Variants in PON1 observed in about 807,000 individuals in gnomAD.
PON1 encodes the protein serum paraoxonase/arylesterase 1.
In PON1, 37 loss-of-function variants were observed where a neutral mutation model predicts 39.2. The ratio of observed to expected loss-of-function variants is 0.94; its 90% CI spans 0.73 to 1.24. The LOEUF is 1.24. Among genes scored for constraint, PON1 ranks in the 50% most tolerant of loss-of-function variants. PON1 has a pLI of 0.00. For missense variants in PON1, 397 were observed against 413.5 expected, an observed-to-expected ratio of 0.96 and a Z score of 0.35; for synonymous variants, 148 against 152.2, an observed-to-expected ratio of 0.97 and a Z score of 0.21.
chr7:95,318,630 T>C, intron 1 of PON1: 1 of 468,410 alleles, frequency 2.1e-6, no homozygotes, highest in Non-Finnish European at 3.9e-6. Context: ...ATACATAATA[T>C]CCTCTCTAGG....
chr7:95,300,914 A>C (rs1278051224), intron 8 of PON1, among the ~76,000 whole-genome samples: 1 of 152,190 alleles, frequency 6.6e-6, no homozygotes, highest in Non-Finnish European at 1.5e-5. Flanking sequence ...AAACATGATC[A>C]CAATTGTCCT....
intron 2 of PON1, among the ~76,000 whole-genome samples, chr7:95,317,990 T>C (rs1431203346): frequency 6.6e-6 from 1 of 152,164 alleles, no homozygotes; most frequent in Non-Finnish European, 1.5e-5. Context: ...CTTTATTCAA[T>C]GCTTTATCTG....
chr7:95,316,718 G>A lies in PON1; in HGVS notation c.201+16C>T, dbSNP rs376396653. 42 of 1,609,656 alleles carry A rather than the reference G, an allele frequency of 2.6e-5. No homozygotes were observed. The highest frequency in any genetic ancestry group is 3.5e-5 in the Non-Finnish European group (41 of 1,176,068). On this transcript the variant is annotated intron_variant, in intron 3 of 8. Coordinates refer to ENST00000222381, the MANE Select transcript of PON1 (RefSeq NM_000446.7). Reference sequence around the variant, plus strand: ...AAAACGTTCTAGAACACAGAAAAGTGAAAGAAAACACTCACAGAGCTAATG... The same window carrying A: ...AAAACGTTCTAGAACACAGAAAAGTAAAAGAAAACACTCACAGAGCTAATG...
chr7:95,313,407 T>C (rs1224648146), intron 4 of PON1, among the ~76,000 whole-genome samples: 1 of 152,182 alleles, frequency 6.6e-6, no homozygotes, highest in Admixed American at 6.5e-5. Flanking sequence ...CAACTGCAAA[T>C]GTGCTATATA....
rs572723320 is a variant in PON1 at position 95,301,340 on chromosome 7, C to A, written c.909+865G>T. Among the ~76,000 whole-genome samples, 5 of 152,262 alleles carry A rather than the reference C, an allele frequency of 3.3e-5. No individual in the cohort carries two copies. The South Asian group carries it at 1.0e-3, about 32-fold the overall frequency. On this transcript the variant is annotated intron_variant, in intron 8 of 8. Transcript: ENST00000222381. ...TTTATCTTGCCACCTGCAGGAAGAT[C>A]TAGAGAGGCTGGCCAGTGTGCTCCA...
chr7:95,315,637 C>G, intron 3 of PON1, 147 bp from the exon 4 acceptor site: 2 of 821,508 alleles, frequency 2.4e-6, no homozygotes, highest in South Asian at 1.5e-5. Flanking sequence ...TAGTTAGCTT[C>G]TGTAATGGGT....
chr7:95,303,759 C>T (rs1472371578), intron 7 of PON1, among the ~76,000 whole-genome samples: 1 of 152,172 alleles, frequency 6.6e-6, no homozygotes, highest in Non-Finnish European at 1.5e-5. Context: ...TGCAAGACCC[C>T]TGCGTATCAC....
chr7:95,313,868 A>G (rs1228877128), intron 4 of PON1, among the ~76,000 whole-genome samples: 1 of 152,144 alleles, frequency 6.6e-6, no homozygotes, highest in Non-Finnish European at 1.5e-5. Flanking sequence ...ACTGGTTTGA[A>G]AGTTCTAAAA....
At chr7:95,313,608 A>G (rs1429393029) in intron 4 of PON1, among the ~76,000 whole-genome samples, 7 of 126,582 alleles carry the variant, frequency 5.5e-5, no homozygotes, top group African/African-American at 2.2e-4. Context: ...TGAAAGGGAT[A>G]TATATGTATA....
chr7:95,312,633 TAA>T (rs1197061516), intron 4 of PON1, among the ~76,000 whole-genome samples: 2 of 152,174 alleles, frequency 1.3e-5, no homozygotes, highest in Non-Finnish European at 2.9e-5. Context: ...CTAAGTGAAA[TAA>T]GAGAACGAAT....
rs140286786 is a variant in PON1 at position 95,315,431 on chromosome 7, C to T, written c.261G>A (p.Leu87=). The T allele has an allele frequency of 7.7e-5, 125 of 1,613,972 alleles. 1 individual carries two copies. The African/African-American group carries it at 1.5e-3, about 19-fold the overall frequency. Residue 87 remains leucine, a synonymous_variant, in exon 4 of 9, where the codon CTG becomes CTA. Coordinates refer to ENST00000222381, the MANE Select transcript of PON1 (RefSeq NM_000446.7). ...TTGGATCTTCTTCATTCAGGTCCAT[C>T]AGAAGTATTTTTCCAGGACTGTTGG... The part of the protein sequence containing the change: ...FNPNSPGKIL[L]MDLNEEDPTV...
At chr7:95,301,949 TA>T (rs199591772) in intron 8 of PON1, among the ~76,000 whole-genome samples, 1,992 of 147,938 alleles carry the variant, frequency 0.013, 27 homozygotes, top group African/African-American at 0.035. Context: ...TACAAAAAAT[TA>T]GCCAGGCATG....
chr7:95,301,009 G>A (rs1457958723), intron 8 of PON1, among the ~76,000 whole-genome samples: 1 of 151,758 alleles, frequency 6.6e-6, no homozygotes, highest in Non-Finnish European at 1.5e-5. Flanking sequence ...CAAGAGATAC[G>A]GGCTTTAACA....
In PON1 at chr7:95,298,857, T is replaced by C. The variant is rs1383961439; in HGVS notation, c.*87A>G. ...CCACATTTAGGGTCAGCATTCATTG[T>C]TCAGCTAAGAACACTGGGTCCTCGG... is the stretch of plus-strand genomic sequence containing the variant. On this transcript the variant is annotated 3_prime_UTR_variant, in exon 9 of 9. Transcript: ENST00000222381. The C allele has an allele frequency of 4.6e-6, 7 of 1,510,168 alleles. No individual in the cohort carries two copies. Among genetic ancestry groups the C allele is most frequent in the Admixed American group, 1.7e-5 (1 of 59,496 alleles). The allele number at this position is 1,510,168 out of a possible 1,614,324, so 93.5% of individuals were successfully genotyped here.
rs769580289 is a variant in PON1, at chr7:95,318,356, C to A, written c.112G>T (p.Glu38Ter). 8.1e-6 allele frequency: 13 copies of A among 1,610,290 alleles called. No individual in the cohort carries two copies. Among genetic ancestry groups the A allele is most frequent in the Non-Finnish European group, 7.6e-6 (9 of 1,176,740 alleles). Reference sequence around the variant, plus strand: ...TTAACTAAATTACAGTTAGGAAGTTCTACGGGTTGTACCTCTCGGAGAGCA... The same window carrying A: ...TTAACTAAATTACAGTTAGGAAGTTATACGGGTTGTACCTCTCGGAGAGCA... ...LNALREVQPV[E>*]LPNCNLVKGI... Residue 38 changes from glutamate (E) to a stop codon, truncating the protein, a stop_gained, in exon 2 of 9, where the codon GAA becomes TAA. Coordinates refer to ENST00000222381, the MANE Select transcript of PON1 (RefSeq NM_000446.7). LOFTEE classifies it high-confidence loss of function.
chr7:95,318,440 TATA>T, intron 1 of PON1, 47 bp from the exon 2 acceptor site: 1 of 1,515,384 alleles, frequency 6.6e-7, no homozygotes, highest in Non-Finnish European at 9.2e-7. Flanking sequence ...ATTCAGAAAT[TATA>T]ATAAGTTGCA....
chr7:95,309,982 C>T (rs1226657055), intron 5 of PON1, among the ~76,000 whole-genome samples: 2 of 152,172 alleles, frequency 1.3e-5, no homozygotes, highest in African/African-American at 4.8e-5. Context: ...AATATTTTTG[C>T]AACTGGCTCA....
chr7:95,307,031 G>A (rs991322708), intron 6 of PON1, among the ~76,000 whole-genome samples: 2 of 150,702 alleles, frequency 1.3e-5, no homozygotes, highest in Non-Finnish European at 3.0e-5. Context: ...TTGCTTGCTT[G>A]CTTGCTTTTT....
At chr7:95,300,187 CTG>C in intron 8 of PON1, among the ~76,000 whole-genome samples, 1 of 152,302 alleles carries the variant, frequency 6.6e-6, no homozygotes, top group South Asian at 2.1e-4. Context: ...ATCATTCTGA[CTG>C]TAAAAAATAG....
Sources: allele counts gnomAD v4.1 joint callset (sites outside exome capture counted in the v4.1 genomes callset), GRCh38; gene constraint gnomAD v4.1.1; transcripts MANE v1.5; gene names NCBI Gene and HGNC (gene_info 2026-07-23, HGNC 2026-07-21).